The following SACS variants were observed in gnomAD, a reference collection of about 807,000 sequenced individuals.
SACS encodes sacsin.
SACS carries 197 observed loss-of-function variants against 348.0 expected under a neutral mutation model. The observed-to-expected ratio is 0.57, with a 90% CI of 0.50 to 0.64. The LOEUF is 0.64. SACS is among the 30% of genes least tolerant of loss of function. The pLI is 0.00. For missense variants in SACS, 4,999 were observed against 5,360.8 expected (o/e 0.93, Z 2.11); for synonymous variants, 1,985 against 1,910.6 (o/e 1.04, Z -1.02).
chr13:23,337,868 T>C lies in SACS; in HGVS notation c.6008A>G (p.Asp2003Gly), dbSNP rs537408260. 6.2e-7 allele frequency: 1 copy of C among 1,613,886 alleles called. No individual in the cohort carries two copies. Among genetic ancestry groups the C allele is most frequent in the South Asian group, 1.1e-5 (1 of 91,068 alleles). ...FLDDSILKRRDVGSAAFKIFL... is the reference protein window; with the variant it reads ...FLDDSILKRRGVGSAAFKIFL... Reference sequence around the variant, plus strand: ...TATCTTGAAGGCTGCTGAACCAACATCTCTTCTTTTAAGTATAGAGTCATC... The same window carrying C: ...TATCTTGAAGGCTGCTGAACCAACACCTCTTCTTTTAAGTATAGAGTCATC... The change falls in exon 10 of 10, where the codon GAT (aspartate) becomes GGT (glycine). Residue 2003 changes from aspartate (D) to glycine (G), a missense_variant. Around this residue, in one of 6 missense-constraint regions of SACS, gnomAD observed 3,156 missense variants for 3,380.1 expected, o/e 0.93. Transcript: ENST00000382292.
In SACS at chr13:23,355,468, C is replaced by A; in HGVS notation, c.1144G>T (p.Glu382Ter). 6.2e-7 allele frequency: 1 copy of A among 1,614,124 alleles called. No individual in the cohort carries two copies. Among genetic ancestry groups the A allele is most frequent in the Non-Finnish European group, 8.5e-7 (1 of 1,179,964 alleles). ...TYHVNIVLEE[E>*]STKDAQKTSW... ...GTTTTCTGTGCATCCTTAGTACTCT[C>A]CTCTTCTAAAACAATATTTACGTGA... The change falls in exon 8 of 10, where the codon GAG becomes TAG. Residue 382 changes from glutamate to a stop codon, truncating the protein, a stop_gained. Transcript: ENST00000382292. LOFTEE classifies it high-confidence loss of function.
intron 2 of SACS, among the ~76,000 whole-genome samples, chr13:23,394,796 AG>A (rs755444736): frequency 1.4e-4 from 21 of 152,198 alleles, no homozygotes; most frequent in Non-Finnish European, 2.5e-4. Context: ...CAGAGGTTGC[AG>A]TGAATCGAGA....
chr13:23,400,118 GA>G (rs1872901766), intron 2 of SACS, among the ~76,000 whole-genome samples: 1 of 150,758 alleles, frequency 6.6e-6, no homozygotes, highest in Non-Finnish European at 1.5e-5. Context: ...AGGAAGGAAG[GA>G]AAACAAACAA....
chr13:23,414,339 T>C (rs1262800956), intron 1 of SACS, among the ~76,000 whole-genome samples: 1 of 152,148 alleles, frequency 6.6e-6, no homozygotes, highest in Non-Finnish European at 1.5e-5. Flanking sequence ...AACACGTTTA[T>C]ATGAATATAA....
chr13:23,399,019 C>CAAAAAAAAAAAAAAAAAAAAAACAAA (rs752943692), intron 2 of SACS, among the ~76,000 whole-genome samples: 1 of 67,140 alleles, frequency 1.5e-5, no homozygotes, highest in Non-Finnish European at 2.7e-5. Flanking sequence ...GACTCCATCT[C>CAAAAAAAAAAAAAAAAAAAAAACAAA]AAAAAAAAAA....
At chr13:23,369,792 T>C (rs1430718405) in intron 4 of SACS, among the ~76,000 whole-genome samples, 1 of 151,534 alleles carries the variant, frequency 6.6e-6, no homozygotes, top group Non-Finnish European at 1.5e-5. Context: ...TGATCCGCCC[T>C]CCACAGCCTC....
rs1566057797 is a variant in SACS at position 23,332,463 on chromosome 13, G to C, written c.11413C>G (p.Leu3805Val). 1 of 1,613,980 alleles carries C rather than the reference G, an allele frequency of 6.2e-7. No individual in the cohort carries two copies. The highest frequency in any genetic ancestry group is 8.5e-7 in the Non-Finnish European group (1 of 1,179,908). ...AFVMVEDGWK[L>V]LKPEEVVINL... ...ATGACTACCTCCTCAGGCTTCAGAAGTTTCCAACCATCTTCTACCATCACA... is the reference window on the plus strand; with the variant it reads ...ATGACTACCTCCTCAGGCTTCAGAACTTTCCAACCATCTTCTACCATCACA... The change falls in exon 10 of 10, where the codon CTT becomes GTT. Residue 3805 changes from leucine (L) to valine (V), a missense_variant. By Grantham distance (32) the Leu-to-Val change is conservative. Around this residue, in one of 6 missense-constraint regions of SACS, gnomAD observed 831 missense variants for 941.8 expected, o/e 0.88. Transcript: ENST00000382292.
chr13:23,419,869 G>C (rs563887630), intron 1 of SACS, among the ~76,000 whole-genome samples: 2 of 152,130 alleles, frequency 1.3e-5, no homozygotes, highest in South Asian at 2.1e-4. Context: ...GTGACCATTC[G>C]GTCACTGAGG....
chr13:23,375,344 C>T, intron 2 of SACS, 75 bp from the exon 3 acceptor site: 1 of 1,318,052 alleles, frequency 7.6e-7, no homozygotes, highest in Non-Finnish European at 9.7e-7. Context: ...GGCCTCCACC[C>T]GCGTTACCTC....
intron 9 of SACS, among the ~76,000 whole-genome samples, chr13:23,348,744 A>T (rs1331994316): frequency 6.6e-6 from 1 of 152,190 alleles, no homozygotes; most frequent in Non-Finnish European, 1.5e-5. Context: ...AAAGTAGAGG[A>T]TGGAAAGAAA....
chr13:23,405,164 T>TA (rs1393688628), intron 2 of SACS, among the ~76,000 whole-genome samples: 1 of 152,112 alleles, frequency 6.6e-6, no homozygotes, highest in Non-Finnish European at 1.5e-5. Flanking sequence ...CAAACTATAC[T>TA]ACAAGTCTAC....
intron 2 of SACS, among the ~76,000 whole-genome samples, chr13:23,375,774 G>T (rs926980338): frequency 1.3e-5 from 2 of 150,972 alleles, no homozygotes; most frequent in South Asian, 2.1e-4. Context: ...GGCTCCGCCT[G>T]CCAGGCCCCG....
At position 23,354,505 on chromosome 13, in the gene SACS, A is replaced by T; in HGVS notation, c.2093+14T>A. On this transcript the variant is annotated intron_variant, in intron 8 of 9. Transcript: ENST00000382292. ...CCTAAGAGTGAACAGGAATGTTAGA[A>T]GGGGGACCCCTACCTTGGATATTCT... 6.2e-7 allele frequency: 1 copy of T among 1,612,010 alleles called. No homozygotes were observed. Among genetic ancestry groups the T allele is most frequent in the Non-Finnish European group, 8.5e-7 (1 of 1,178,162 alleles).
At chr13:23,432,725 T>G (rs1476189724) in intron 1 of SACS, among the ~76,000 whole-genome samples, 2 of 152,248 alleles carry the variant, frequency 1.3e-5, no homozygotes, top group African/African-American at 4.8e-5. Flanking sequence ...TTATCTGCAC[T>G]GATGGAGAAA....
chr13:23,382,566 A>G lies in SACS; in HGVS notation c.21-7297T>C, dbSNP rs1593165501. ...AAATGGATGTTTCTGAATCATCAAA[A>G]ATGAATTTTTTAATCGGGGAAGCAA... On this transcript the variant is annotated intron_variant, in intron 2 of 9. Coordinates refer to ENST00000382292, the MANE Select transcript of SACS (RefSeq NM_014363.6). Among the ~76,000 whole-genome samples, 4 of 152,324 alleles carry G rather than the reference A, an allele frequency of 2.6e-5. No individual in the cohort carries two copies. The South Asian group carries it at 8.3e-4, about 32-fold the overall frequency.
chr13:23,391,742 C>T (rs1466519703), intron 2 of SACS, among the ~76,000 whole-genome samples: 1 of 152,086 alleles, frequency 6.6e-6, no homozygotes, highest in Non-Finnish European at 1.5e-5. Context: ...GGTGCCTGAC[C>T]GGTAGAATAC....
chr13:23,406,182 A>G (rs899684798), intron 2 of SACS, among the ~76,000 whole-genome samples: 1 of 152,212 alleles, frequency 6.6e-6, no homozygotes, highest in African/African-American at 2.4e-5. Flanking sequence ...CATACACACA[A>G]TGGAATACTA....
chr13:23,409,362 T>G (rs532911361), intron 2 of SACS, among the ~76,000 whole-genome samples: 26 of 148,922 alleles, frequency 1.7e-4, no homozygotes, highest in East Asian at 4.0e-4. Flanking sequence ...CCGTTTTTTT[T>G]TTTTTTTTTT....
chr13:23,403,302 T>C (rs1873064656), intron 2 of SACS, among the ~76,000 whole-genome samples: 1 of 152,178 alleles, frequency 6.6e-6, no homozygotes, highest in African/African-American at 2.4e-5. Context: ...GGAGTCCCTC[T>C]TTTTCTGTTG....
Sources: allele counts gnomAD v4.1 joint callset (sites outside exome capture counted in the v4.1 genomes callset), GRCh38; gene constraint gnomAD v4.1.1; regional missense constraint gnomAD v4.1.1; transcripts MANE v1.5; gene names NCBI Gene and HGNC (gene_info 2026-07-23, HGNC 2026-07-21).